The following THSD7B variants were observed in gnomAD, a reference collection of about 807,000 sequenced individuals.
THSD7B encodes thrombospondin type 1 domain containing 7B, also known as thrombospondin type-1 domain-containing protein 7B.
Under a neutral mutation model 213.6 loss-of-function variants are expected in THSD7B, and 138 were observed. That is an observed-to-expected ratio of 0.65 (90% CI 0.56 to 0.74). The LOEUF (loss-of-function observed/expected upper bound fraction) is 0.74, where lower values mean the gene tolerates loss of function less well. THSD7B is among the 30% of genes least tolerant of loss of function. The pLI, the probability that THSD7B is intolerant of heterozygous loss-of-function variation, is 0.00. For synonymous variants in THSD7B, 742 were observed against 687.0 expected, an observed-to-expected ratio of 1.08 and a Z score of -1.25; for missense variants, 1,931 against 1,991.5, an observed-to-expected ratio of 0.97 and a Z score of 0.58.
chr2:137,049,503 A>G (rs1049753421), intron 2 of THSD7B, among the ~76,000 whole-genome samples: 4 of 152,228 alleles, frequency 2.6e-5, no homozygotes, highest in African/African-American at 9.6e-5. Flanking sequence ...GGTATTGGGA[A>G]GATGATAGTA....
intron 1 of THSD7B, among the ~76,000 whole-genome samples, chr2:136,869,329 C>T (rs986869390): frequency 1.3e-5 from 2 of 152,088 alleles, no homozygotes; most frequent in Admixed American, 1.3e-4. Flanking sequence ...TAAAATTTAC[C>T]TTTTCCCTGT....
intron 2 of THSD7B, among the ~76,000 whole-genome samples, chr2:137,013,547 T>C (rs1442544879): frequency 6.6e-6 from 1 of 152,214 alleles, no homozygotes; most frequent in Non-Finnish European, 1.5e-5. Flanking sequence ...AAATATTTAT[T>C]AAATTCTTTG....
chr2:137,094,621 G>C (rs1688005659), intron 3 of THSD7B, among the ~76,000 whole-genome samples: 1 of 151,684 alleles, frequency 6.6e-6, no homozygotes, highest in African/African-American at 2.4e-5. Flanking sequence ...GGATAATACT[G>C]TTAAAAGTGG....
At chr2:137,525,779 A>T (rs1680266590) in intron 15 of THSD7B, among the ~76,000 whole-genome samples, 1 of 152,188 alleles carries the variant, frequency 6.6e-6, no homozygotes, top group African/African-American at 2.4e-5. Context: ...CACATTTATA[A>T]GTGTTTAATG....
chr2:137,060,127 C>T (rs774140582), intron 3 of THSD7B, among the ~76,000 whole-genome samples: 2 of 152,226 alleles, frequency 1.3e-5, no homozygotes, highest in Non-Finnish European at 2.9e-5. Context: ...TGATGCTGAA[C>T]ATCTTTTCAT....
chr2:137,611,243 A>G (rs1439452951), intron 17 of THSD7B, among the ~76,000 whole-genome samples: 1 of 151,842 alleles, frequency 6.6e-6, no homozygotes, highest in East Asian at 1.9e-4. Flanking sequence ...ATCATTGTTT[A>G]CCTATTGATG....
chr2:136,909,402 G>A (rs116009297), intron 2 of THSD7B, among the ~76,000 whole-genome samples: 1 of 152,172 alleles, frequency 6.6e-6, no homozygotes. Flanking sequence ...CAAAGATAAA[G>A]TACTGATACT....
At chr2:137,323,322 G>C (rs920487274) in intron 12 of THSD7B, among the ~76,000 whole-genome samples, 1 of 152,158 alleles carries the variant, frequency 6.6e-6, no homozygotes, top group Non-Finnish European at 1.5e-5. Context: ...CTGGTAGCCT[G>C]ACTTGTGGCT....
At chr2:137,025,608 A>G (rs549868360) in intron 2 of THSD7B, among the ~76,000 whole-genome samples, 1 of 152,284 alleles carries the variant, frequency 6.6e-6, no homozygotes, top group Admixed American at 6.5e-5. Flanking sequence ...TCAGGGTCCC[A>G]GATGCTGTGC....
intron 12 of THSD7B, among the ~76,000 whole-genome samples, chr2:137,300,519 T>C (rs1683573628): frequency 6.6e-6 from 1 of 152,114 alleles, no homozygotes; most frequent in Non-Finnish European, 1.5e-5. Context: ...TATGCAACTG[T>C]TGTGCATTAA....
chr2:137,659,396 C>T (rs762757010), intron 24 of THSD7B, among the ~76,000 whole-genome samples: 17 of 152,088 alleles, frequency 1.1e-4, no homozygotes, highest in Admixed American at 2.0e-4. Flanking sequence ...AGACTTTGTG[C>T]TCAAGCATAG....
At chr2:137,003,738 G>T (rs1231806845) in intron 2 of THSD7B, among the ~76,000 whole-genome samples, 1 of 152,018 alleles carries the variant, frequency 6.6e-6, no homozygotes, top group African/African-American at 2.4e-5. Flanking sequence ...CCATGCATTT[G>T]CTAGCTCTTC....
intron 7 of THSD7B, among the ~76,000 whole-genome samples, chr2:137,218,529 AAG>A (rs1288234054): frequency 8.8e-5 from 9 of 102,020 alleles, no homozygotes; most frequent in Non-Finnish European, 1.9e-4. Flanking sequence ...AAGATAGACA[AAG>A]TACGGTTTGT....
At chr2:136,907,481 T>G (rs1462471583) in intron 2 of THSD7B, among the ~76,000 whole-genome samples, 1 of 152,204 alleles carries the variant, frequency 6.6e-6, no homozygotes, top group African/African-American at 2.4e-5. Context: ...ATACACTTCA[T>G]TCTACCTATA....
At chr2:137,672,180 T>G (rs1683592479) in intron 27 of THSD7B, among the ~76,000 whole-genome samples, 1 of 152,198 alleles carries the variant, frequency 6.6e-6, no homozygotes, top group Non-Finnish European at 1.5e-5. Flanking sequence ...AAAAAAAATC[T>G]AATATTTATA....
At chr2:137,496,926 C>A (rs1200833631) in intron 15 of THSD7B, among the ~76,000 whole-genome samples, 1 of 152,076 alleles carries the variant, frequency 6.6e-6, no homozygotes, top group Non-Finnish European at 1.5e-5. Context: ...TCATCTAGTT[C>A]GTGTAGTCTG....
chr2:137,286,182 G>A (rs1169952841), intron 12 of THSD7B, among the ~76,000 whole-genome samples: 1 of 151,850 alleles, frequency 6.6e-6, no homozygotes, highest in Non-Finnish European at 1.5e-5. Flanking sequence ...AGGCAAGTAA[G>A]TTGATTGCCT....
At chr2:137,484,108 G>A (rs1688370828) in intron 15 of THSD7B, among the ~76,000 whole-genome samples, 1 of 151,398 alleles carries the variant, frequency 6.6e-6, no homozygotes, top group Non-Finnish European at 1.5e-5. Context: ...CCATGCTGGT[G>A]TGCTGCACCC....
intron 14 of THSD7B, among the ~76,000 whole-genome samples, chr2:137,419,311 T>C (rs1573614766): frequency 6.6e-6 from 1 of 151,398 alleles, no homozygotes; most frequent in Non-Finnish European, 1.5e-5. Context: ...GCTTGTACTC[T>C]GGTGCTTATC....
Sources: allele counts gnomAD v4.1 joint callset (sites outside exome capture counted in the v4.1 genomes callset), GRCh38; gene constraint gnomAD v4.1.1; transcripts MANE v1.5; gene names NCBI Gene and HGNC (gene_info 2026-07-23, HGNC 2026-07-21).